The following CDH18 variants were observed in gnomAD, a reference collection of about 807,000 sequenced individuals.
CDH18 encodes the protein cadherin 18, also known as cadherin-18.
CDH18 carries 31 observed loss-of-function variants against 67.9 expected under a neutral mutation model. That is an observed-to-expected ratio of 0.46 (90% CI 0.34 to 0.62). The LOEUF (loss-of-function observed/expected upper bound fraction) is 0.62, where lower values mean the gene tolerates loss of function less well. Ranked by LOEUF, CDH18 falls within the 20% of genes least tolerant of loss-of-function variation. The pLI, the probability that CDH18 is intolerant of heterozygous loss-of-function variation, is 0.01. For missense variants in CDH18, 890 were observed against 975.5 expected (o/e 0.91, Z 1.17); for synonymous variants, 362 against 347.2 (o/e 1.04, Z -0.48).
At chr5:20,382,866 T>A (rs539413932) in intron 1 of CDH18, among the ~76,000 whole-genome samples, 51 of 152,124 alleles carry the variant, frequency 3.4e-4, no homozygotes, top group Non-Finnish European at 5.4e-4. Flanking sequence ...TATCAACACC[T>A]TAGTAAACTG....
chr5:19,594,302 C>T lies in CDH18; in HGVS notation c.812-3058G>A, dbSNP rs1462712011. Among the ~76,000 whole-genome samples the T allele has an allele frequency of 2.0e-5, 3 of 152,038 alleles. No homozygotes were observed. The East Asian group carries it at 5.8e-4, about 29-fold the overall frequency. ...GAGTAGCTGTGATTACAGGCCCGCACCACCACACACAGCTAATTTTTTGTA... is the reference window on the plus strand; with the variant it reads ...GAGTAGCTGTGATTACAGGCCCGCATCACCACACACAGCTAATTTTTTGTA... On this transcript the variant is annotated intron_variant, in intron 6 of 12. Transcript: ENST00000382275.
At chr5:19,489,722 C>T (rs781601901) in intron 11 of CDH18, among the ~76,000 whole-genome samples, 4 of 152,122 alleles carry the variant, frequency 2.6e-5, no homozygotes, top group Non-Finnish European at 5.9e-5. Context: ...TCTTTCTTTG[C>T]CATTACATCT....
intron 4 of CDH18, among the ~76,000 whole-genome samples, chr5:19,738,019 G>T (rs567215283): frequency 1.1e-4 from 17 of 152,174 alleles, no homozygotes; most frequent in African/African-American, 4.1e-4. Context: ...ATCGATTCAT[G>T]AATGGATATG....
intron 5 of CDH18, among the ~76,000 whole-genome samples, chr5:19,693,375 T>C (rs577330176): frequency 6.6e-6 from 1 of 152,184 alleles, no homozygotes; most frequent in Non-Finnish European, 1.5e-5. Flanking sequence ...TTGAAGAGTT[T>C]AAAAAATTCA....
At chr5:19,716,487 C>T (rs543430907) in intron 5 of CDH18, among the ~76,000 whole-genome samples, 153 of 151,966 alleles carry the variant, frequency 1.0e-3, no homozygotes, top group African/African-American at 3.4e-3. Flanking sequence ...TTTATAATAA[C>T]GCCATGTCAA....
chr5:19,636,793 T>C (rs903974895), intron 5 of CDH18, among the ~76,000 whole-genome samples: 2 of 152,036 alleles, frequency 1.3e-5, no homozygotes, highest in Admixed American at 6.6e-5. Context: ...AAAAAATGCC[T>C]TTGGATGTTA....
rs6886013 is a variant in CDH18 at position 20,018,856 on chromosome 5, G to A, written c.-517-26842C>T. ...GTCGCCCAGGCTGGAGTGCAGTGGC[G>A]CGATCTCGACTCACTGCAAGCTCCG... On this transcript the variant is annotated intron_variant, in intron 2 of 14. Transcript: ENST00000507958. Among the ~76,000 whole-genome samples the A allele has an allele frequency of 9.8e-3, 1,391 of 141,752 alleles. 81 individuals are homozygous for A. Among genetic ancestry groups the A allele is most frequent in the African/African-American group, 0.035 (1,258 of 36,426 alleles). The allele number at this position is 141,752 out of a possible 152,430, so 93.0% of individuals were successfully genotyped here. A position where few individuals can be genotyped will look rare whatever the true frequency, so the allele number is the denominator to read the frequency against.
intron 1 of CDH18, among the ~76,000 whole-genome samples, chr5:20,572,553 T>C (rs1221948651): frequency 6.6e-6 from 1 of 152,114 alleles, no homozygotes; most frequent in African/African-American, 2.4e-5. Flanking sequence ...CCTGTGAAAA[T>C]AAGGGCTTCT....
chr5:20,459,718 G>A (rs1385536373), intron 1 of CDH18, among the ~76,000 whole-genome samples: 3 of 152,166 alleles, frequency 2.0e-5, no homozygotes, highest in Admixed American at 6.5e-5. Flanking sequence ...GAGCTAGTCC[G>A]ACAGAAGTGC....
chr5:20,217,325 T>C (rs551656813), intron 2 of CDH18, among the ~76,000 whole-genome samples: 12 of 151,946 alleles, frequency 7.9e-5, no homozygotes, highest in Middle Eastern at 6.8e-3. Flanking sequence ...AACTTTTGAA[T>C]ACATAAACAA....
intron 3 of CDH18, among the ~76,000 whole-genome samples, chr5:19,788,110 T>C (rs1487212275): frequency 6.6e-6 from 1 of 152,074 alleles, no homozygotes; most frequent in Non-Finnish European, 1.5e-5. Context: ...TTGCTTATAA[T>C]AGGGTGTGAA....
chr5:20,561,082 C>A (rs537516290), intron 1 of CDH18, among the ~76,000 whole-genome samples: 59 of 151,898 alleles, frequency 3.9e-4, no homozygotes, highest in Non-Finnish European at 7.1e-4. Context: ...CTAGAATGGC[C>A]AAAATTCAGA....
intron 1 of CDH18, among the ~76,000 whole-genome samples, chr5:20,376,864 A>C (rs555931619): frequency 6.6e-6 from 1 of 152,194 alleles, no homozygotes; most frequent in Admixed American, 6.5e-5. Flanking sequence ...TAAAAGTACT[A>C]AAATTAGCCG....
chr5:20,353,941 T>C (rs1741405173), intron 1 of CDH18, among the ~76,000 whole-genome samples: 1 of 152,182 alleles, frequency 6.6e-6, no homozygotes, highest in Admixed American at 6.6e-5. Flanking sequence ...CTTAAAGGCT[T>C]CTCGGTCAAT....
chr5:19,644,407 T>C (rs1487005704), intron 5 of CDH18, among the ~76,000 whole-genome samples: 1 of 152,148 alleles, frequency 6.6e-6, no homozygotes, highest in Non-Finnish European at 1.5e-5. Context: ...GGGATTAATA[T>C]ATGAAAGCAA....
intron 2 of CDH18, among the ~76,000 whole-genome samples, chr5:19,975,981 G>T (rs1798461447): frequency 6.6e-6 from 1 of 152,104 alleles, no homozygotes; most frequent in African/African-American, 2.4e-5. Flanking sequence ...ATTCCTAACG[G>T]TTACTTATTT....
At chr5:19,699,725 T>C (rs1762991922) in intron 5 of CDH18, among the ~76,000 whole-genome samples, 1 of 151,870 alleles carries the variant, frequency 6.6e-6, no homozygotes, top group African/African-American at 2.4e-5. Context: ...TAGTCATCTA[T>C]AAATCAGGAG....
intron 9 of CDH18, among the ~76,000 whole-genome samples, chr5:19,542,978 A>G (rs946713523): frequency 2.6e-5 from 4 of 152,146 alleles, no homozygotes; most frequent in Admixed American, 2.6e-4. Context: ...AGAAAAACAG[A>G]ACGTGATTTT....
intron 2 of CDH18, among the ~76,000 whole-genome samples, chr5:20,005,847 G>C (rs1047769188): frequency 6.6e-6 from 1 of 151,914 alleles, no homozygotes; most frequent in Non-Finnish European, 1.5e-5. Flanking sequence ...TAAACATCTG[G>C]ATATTTAACT....
Sources: gnomAD v4.1 joint callset for allele counts (sites outside exome capture counted in the v4.1 genomes callset) on GRCh38, gnomAD v4.1.1 for gene constraint, MANE v1.5 for transcripts, NCBI Gene and HGNC (gene_info 2026-07-23, HGNC 2026-07-21) for gene names.